The following CCNY variants were observed in gnomAD, a reference collection of about 807,000 sequenced individuals.
CCNY encodes cyclin-Y.
Under a neutral mutation model 42.8 loss-of-function variants are expected in CCNY, and 19 were observed. The observed-to-expected ratio is 0.44, with a 90% CI of 0.31 to 0.65. The LOEUF (loss-of-function observed/expected upper bound fraction) is 0.65, where lower values mean the gene tolerates loss of function less well. Ranked by LOEUF, CCNY falls within the 30% of genes least tolerant of loss-of-function variation. The pLI, the probability that CCNY is intolerant of heterozygous loss-of-function variation, is 0.07. For missense variants in CCNY, 370 were observed against 437.3 expected (o/e 0.85, Z 1.37); for synonymous variants, 165 against 162.7 (o/e 1.01, Z -0.11).
At chr10:35,368,616 A>G (rs773642885) in intron 1 of CCNY, among the ~76,000 whole-genome samples, 1 of 139,654 alleles carries the variant, frequency 7.2e-6, no homozygotes, top group Admixed American at 7.1e-5. Flanking sequence ...TGCTCTCCAG[A>G]GACACAGTGA....
At chr10:35,492,282 T>C (rs1228551283) in intron 2 of CCNY, among the ~76,000 whole-genome samples, 1 of 152,206 alleles carries the variant, frequency 6.6e-6, no homozygotes, top group African/African-American at 2.4e-5. Flanking sequence ...GAGGCCATCA[T>C]CTGTGGCATG....
At position 35,521,252 on chromosome 10, in the gene CCNY, C is replaced by T. The variant is rs115491704; in HGVS notation, c.365+4629C>T. On this transcript the variant is annotated intron_variant, in intron 4 of 9. Coordinates refer to ENST00000374704, the MANE Select transcript of CCNY (RefSeq NM_145012.6). Reference sequence around the variant, plus strand: ...TTCCCTGATAGGGCTCTGGCCCTTCCTTGGTGAAACTGCACCATTTTCTGA... The same window carrying T: ...TTCCCTGATAGGGCTCTGGCCCTTCTTTGGTGAAACTGCACCATTTTCTGA... Among the ~76,000 whole-genome samples, 1,070 of 152,332 alleles carry T rather than the reference C, an allele frequency of 7.0e-3. 11 individuals carry two copies. Among genetic ancestry groups the T allele is most frequent in the African/African-American group, 0.025 (1,022 of 41,566 alleles).
chr10:35,422,362 C>G (rs916765433), intron 1 of CCNY, among the ~76,000 whole-genome samples: 1 of 152,138 alleles, frequency 6.6e-6, no homozygotes, highest in Non-Finnish European at 1.5e-5. Context: ...AAGCATTGGA[C>G]TTAGCATTAG....
chr10:35,363,245 G>A (rs1203397981), intron 1 of CCNY, among the ~76,000 whole-genome samples: 2 of 146,350 alleles, frequency 1.4e-5, no homozygotes, highest in East Asian at 2.1e-4. Context: ...CGGCAGAGGC[G>A]CTCCTCACTT....
chr10:35,483,194 G>A (rs1839712148), intron 1 of CCNY, among the ~76,000 whole-genome samples: 1 of 152,142 alleles, frequency 6.6e-6, no homozygotes, highest in Non-Finnish European at 1.5e-5. Flanking sequence ...TAGATGTCTA[G>A]CCAACTGTCT....
intron 3 of CCNY, among the ~76,000 whole-genome samples, chr10:35,307,679 T>TAC (rs1339909577): frequency 4.0e-5 from 6 of 151,208 alleles, no homozygotes; most frequent in African/African-American, 9.7e-5. Context: ...TATATATATA[T>TAC]ACGTGTATAT....
At position 35,481,138 on chromosome 10, in the gene CCNY, C is replaced by T. The variant is rs564595004; in HGVS notation, c.155-2266C>T. On this transcript the variant is annotated intron_variant, in intron 1 of 9. Coordinates refer to ENST00000374704, the MANE Select transcript of CCNY (RefSeq NM_145012.6). ...AATGCTTTCGTCACCTAATGACATACGGTACATCGGTTTCCGTGTCAATAA... is the reference window on the plus strand; with the variant it reads ...AATGCTTTCGTCACCTAATGACATATGGTACATCGGTTTCCGTGTCAATAA... Among the ~76,000 whole-genome samples the T allele has an allele frequency of 9.8e-5, 15 of 152,286 alleles. No individual in the cohort carries two copies. In the East Asian group the frequency reaches 1.7e-3, roughly 18 times the overall value.
chr10:35,441,069 C>T (rs1005563725), intron 1 of CCNY, among the ~76,000 whole-genome samples: 1 of 152,096 alleles, frequency 6.6e-6, no homozygotes, highest in African/African-American at 2.4e-5. Context: ...TATAAGACTC[C>T]ATTTGCCTGA....
chr10:35,415,156 G>A (rs2135253826), intron 1 of CCNY, among the ~76,000 whole-genome samples: 1 of 152,316 alleles, frequency 6.6e-6, no homozygotes, highest in South Asian at 2.1e-4. Context: ...GGCAGGCCGT[G>A]CACTCAGAGG....
chr10:35,416,024 C>T lies in CCNY; in HGVS notation c.155-67380C>T, dbSNP rs114311938. Among the ~76,000 whole-genome samples the T allele has an allele frequency of 1.9e-3, 286 of 152,238 alleles. 2 individuals carry two copies. Among genetic ancestry groups the T allele is most frequent in the African/African-American group, 6.6e-3 (272 of 41,518 alleles). On this transcript the variant is annotated intron_variant, in intron 1 of 9. Transcript: ENST00000374704. ...TTCCCTATCCTTCCTGAAAGAGCAG[C>T]TTTATACAATGTTTTTGGCAGCTGA... is the stretch of plus-strand genomic sequence containing the variant.
intron 1 of CCNY, among the ~76,000 whole-genome samples, chr10:35,466,537 C>T (rs1839273226): frequency 6.6e-6 from 1 of 152,154 alleles, no homozygotes; most frequent in South Asian, 2.1e-4. Flanking sequence ...TCAGGTGTGT[C>T]CGCCTGTGCC....
rs1005523304 is a variant in CCNY at position 35,307,756 on chromosome 10, A to G, written c.-9+57130A>G. The stretch of plus-strand genomic sequence containing the variant: ...TGTATATATATACATATTGATGTGT[A>G]TATATGTGTGTGTGTGTGTGTGTGT... On this transcript the variant is annotated intron_variant, in intron 3 of 11. Coordinates refer to the CCNY transcript ENST00000374706. 7.1e-5 allele frequency among the ~76,000 whole-genome samples: 7 copies of G among 98,912 alleles called. 1 individual carries two copies. Among genetic ancestry groups the G allele is most frequent in the Non-Finnish European group, 9.7e-5 (5 of 51,812 alleles). The allele number at this position is 98,912 out of a possible 152,430, so 64.9% of individuals were successfully genotyped here. A position where few individuals can be genotyped will look rare whatever the true frequency, so the allele number is the denominator to read the frequency against.
chr10:35,572,247 C>T lies in CCNY; in HGVS notation c.*3077C>T, dbSNP rs1225434114. On this transcript the variant is annotated 3_prime_UTR_variant, in exon 10 of 10. Transcript: ENST00000374704. ...AAACTTTTCCTGCTGCTTTTGGTAACTTCTCACCTGGGGCCATATTTTACA... is the reference window on the plus strand; with the variant it reads ...AAACTTTTCCTGCTGCTTTTGGTAATTTCTCACCTGGGGCCATATTTTACA... 4 of 151,978 alleles carry T rather than the reference C, an allele frequency of 2.6e-5. No individual in the cohort carries two copies. Among genetic ancestry groups the T allele is most frequent in the African/African-American group, 9.7e-5 (4 of 41,378 alleles). The allele number at this position is 151,978 out of a possible 1,614,324, so 9.4% of individuals were successfully genotyped here.
intron 3 of CCNY, among the ~76,000 whole-genome samples, chr10:35,509,945 G>A (rs554782466): frequency 4.6e-5 from 7 of 152,178 alleles, no homozygotes; most frequent in African/African-American, 7.2e-5. Context: ...CAGGTGGCAG[G>A]TGTGATCCTG....
At chr10:35,499,557 C>T (rs928984864) in intron 2 of CCNY, among the ~76,000 whole-genome samples, 6 of 152,230 alleles carry the variant, frequency 3.9e-5, no homozygotes, top group African/African-American at 9.6e-5. Flanking sequence ...TACTTCTACA[C>T]GTGAATAATT....
intron 3 of CCNY, among the ~76,000 whole-genome samples, chr10:35,326,526 A>G (rs1348143557): frequency 6.6e-6 from 1 of 152,248 alleles, no homozygotes; most frequent in African/African-American, 2.4e-5. Flanking sequence ...AAATTGTACC[A>G]GTTGATGCCT....
intron 1 of CCNY, among the ~76,000 whole-genome samples, chr10:35,341,939 G>C (rs1232970433): frequency 6.6e-6 from 1 of 152,082 alleles, no homozygotes; most frequent in Non-Finnish European, 1.5e-5. Flanking sequence ...ACATCCTTAA[G>C]GATCAAATTG....
intron 3 of CCNY, chr10:35,316,250 G>C (rs1314917068): frequency 6.6e-6 from 1 of 152,178 alleles, no homozygotes; most frequent in African/African-American, 2.4e-5. Context: ...TAGAGATACA[G>C]AGCAGGTGTT....
chr10:35,376,749 A>C (rs965624218), intron 1 of CCNY, among the ~76,000 whole-genome samples: 1 of 152,208 alleles, frequency 6.6e-6, no homozygotes, highest in Admixed American at 6.5e-5. Context: ...CTGATACAAC[A>C]TGGGTGAACC....
Sources: gnomAD v4.1 joint callset for allele counts (sites outside exome capture counted in the v4.1 genomes callset) on GRCh38, gnomAD v4.1.1 for gene constraint, MANE v1.5 for transcripts, NCBI Gene and HGNC (gene_info 2026-07-23, HGNC 2026-07-21) for gene names.